Variants in TET3 observed in about 807,000 individuals in gnomAD.
TET3 encodes the protein tet methylcytosine dioxygenase 3.
A neutral mutation model predicts 141.4 loss-of-function variants in TET3; 19 were observed. The ratio of observed to expected loss-of-function variants is 0.13; its 90% CI spans 0.09 to 0.20. TET3 has a LOEUF of 0.20. TET3 is among the 10% of genes least tolerant of loss of function. The probability of loss-of-function intolerance (pLI) is 1.00; values close to 1 mark genes in which losing one functional copy is unlikely to be tolerated. For synonymous variants in TET3, 1,043 were observed against 980.9 expected (o/e 1.06, Z -1.18); for missense variants, 1,874 against 2,356.9 (o/e 0.80, Z 4.24).
At chr2:74,019,539 G>A (rs909373010) in intron 3 of TET3, among the ~76,000 whole-genome samples, 3 of 152,146 alleles carry the variant, frequency 2.0e-5, no homozygotes, top group African/African-American at 7.2e-5. Context: ...GTTCCCAGTG[G>A]TGGGGTGCTC....
At chr2:74,041,702 G>GA (rs946265942) in intron 3 of TET3, among the ~76,000 whole-genome samples, 9 of 152,144 alleles carry the variant, frequency 5.9e-5, no homozygotes, top group Admixed American at 2.0e-4. Flanking sequence ...GAAAATTTTT[G>GA]AAAAAAACTG....
chr2:74,086,644 G>A (rs1225790434), intron 6 of TET3, among the ~76,000 whole-genome samples: 1 of 151,866 alleles, frequency 6.6e-6, no homozygotes, highest in East Asian at 1.9e-4. Context: ...TAAAAAGTTA[G>A]CCAGGCATGG....
At chr2:74,021,627 G>A (rs1299605036) in intron 3 of TET3, among the ~76,000 whole-genome samples, 1 of 152,158 alleles carries the variant, frequency 6.6e-6, no homozygotes, top group Non-Finnish European at 1.5e-5. Context: ...GTTCTCAAAA[G>A]GTCGTTCAGG....
intron 3 of TET3, among the ~76,000 whole-genome samples, chr2:74,014,662 G>A (rs1012774441): frequency 9.2e-5 from 14 of 152,144 alleles, no homozygotes; most frequent in Non-Finnish European, 1.8e-4. Context: ...ATTTAGAAAA[G>A]CCTCGTACAT....
At chr2:74,090,106 G>C in intron 8 of TET3, 59 bp downstream of exon 8, 2 of 1,596,076 alleles carry the variant, frequency 1.3e-6, no homozygotes, top group Non-Finnish European at 1.7e-6. Flanking sequence ...CGTCCTTCAT[G>C]GTCCAGCGGG....
intron 10 of TET3, among the ~76,000 whole-genome samples, chr2:74,098,272 A>G (rs572748514): frequency 6.6e-6 from 1 of 152,364 alleles, no homozygotes; most frequent in African/African-American, 2.4e-5. Context: ...AATTGGAAAC[A>G]AGTTGAAATA....
At chr2:74,029,070 A>T (rs1686531452) in intron 3 of TET3, among the ~76,000 whole-genome samples, 1 of 152,198 alleles carries the variant, frequency 6.6e-6, no homozygotes, top group South Asian at 2.1e-4. Flanking sequence ...TGGAACAGCA[A>T]ATACTAGTGT....
At chr2:74,010,893 A>G (rs987374208) in intron 3 of TET3, among the ~76,000 whole-genome samples, 1 of 152,216 alleles carries the variant, frequency 6.6e-6, no homozygotes, top group African/African-American at 2.4e-5. Context: ...CTTAAGCGGG[A>G]AACTATAGCA....
intron 8 of TET3, among the ~76,000 whole-genome samples, chr2:74,091,046 A>G (rs991064078): frequency 1.3e-5 from 2 of 152,196 alleles, no homozygotes; most frequent in Admixed American, 6.5e-5. Flanking sequence ...TCTGACTGCC[A>G]AGCTTGGGTC....
chr2:73,984,666 C>G (rs1201814253), upstream of TET3, among the ~76,000 whole-genome samples: 2 of 151,836 alleles, frequency 1.3e-5, no homozygotes, highest in East Asian at 1.9e-4. The surrounding 1 kb of genome is among the most constrained non-coding windows in gnomAD (Gnocchi z 5.6). Flanking sequence ...GCGGCCGCCT[C>G]CCGGGAGGGC....
At chr2:74,061,252 C>CA (rs1688525600) in intron 4 of TET3, among the ~76,000 whole-genome samples, 2 of 141,776 alleles carry the variant, frequency 1.4e-5, no homozygotes, top group South Asian at 4.6e-4. Context: ...GCTGACCCCC[C>CA]CACTTCCCTC....
chr2:74,109,811 A>G (rs923205540), downstream of TET3, among the ~76,000 whole-genome samples: 3 of 152,184 alleles, frequency 2.0e-5, no homozygotes, highest in African/African-American at 7.2e-5. Flanking sequence ...CGGCTCATGC[A>G]AGCCAAGCAC....
rs188755514 is a variant in TET3, at chr2:74,105,381, T to A, written c.*3205T>A. 2.8e-5 allele frequency: 11 copies of A among 398,608 alleles called. No individual in the cohort carries two copies. The highest frequency in any genetic ancestry group is 2.1e-4 in the African/African-American group (10 of 48,734). The allele number at this position is 398,608 out of a possible 1,614,324, so 24.7% of individuals were successfully genotyped here. A position where few individuals can be genotyped will look rare whatever the true frequency, so the allele number is the denominator to read the frequency against. The stretch of plus-strand genomic sequence containing the variant: ...CTTGTAAAGTTCTGTGCTACGAGAT[T>A]TTTAAAATAAAAATCGCTTCGCAGC... On this transcript the variant is annotated 3_prime_UTR_variant, in exon 12 of 12. Coordinates refer to ENST00000409262, the MANE Select transcript of TET3 (RefSeq NM_001287491.2).
At position 74,088,146 on chromosome 2, in the gene TET3, G is replaced by A. The variant is rs577423334; in HGVS notation, c.2888+108G>A. ...GAAGGCTCCTAGGGGCCCTCTCTGCGGCACTGTTTGTCCTGCACAGTTAGG... is the reference window on the plus strand; with the variant it reads ...GAAGGCTCCTAGGGGCCCTCTCTGCAGCACTGTTTGTCCTGCACAGTTAGG... On this transcript the variant is annotated intron_variant, in intron 7 of 11. Coordinates refer to ENST00000409262, the MANE Select transcript of TET3 (RefSeq NM_001287491.2). The A allele has an allele frequency of 4.5e-5, 51 of 1,131,670 alleles. No homozygotes were observed. The East Asian group carries it at 7.7e-4, about 17-fold the overall frequency. The allele number at this position is 1,131,670 out of a possible 1,614,324, so 70.1% of individuals were successfully genotyped here.
intron 3 of TET3, among the ~76,000 whole-genome samples, chr2:74,022,098 T>C (rs1164372274): frequency 2.0e-5 from 3 of 149,186 alleles, no homozygotes; most frequent in African/African-American, 4.9e-5. Context: ...AGGACACTTT[T>C]TTTTTTTTTT....
intron 4 of TET3, among the ~76,000 whole-genome samples, chr2:74,061,117 G>A (rs1370844782): frequency 4.7e-5 from 7 of 150,010 alleles, no homozygotes; most frequent in Middle Eastern, 6.9e-3. Flanking sequence ...CTCACCTACC[G>A]GACGGGGCGG....
In TET3 at chr2:74,100,936, C is replaced by A. The variant is rs749801005; in HGVS notation, c.4148C>A (p.Ser1383Tyr). The change falls in exon 12 of 12, where the codon TCC becomes TAC. Residue 1383 changes from serine (S) to tyrosine (Y), a missense_variant. Ser to Tyr is a moderately radical substitution (Grantham distance 144). Coordinates refer to ENST00000409262, the MANE Select transcript of TET3 (RefSeq NM_001287491.2). ...CTCCACTCAGTGTCCAGGGACCCCT[C>A]CCCCTTTGCCCAGAGCTCCAACTGC... is the stretch of plus-strand genomic sequence containing the variant. ...PLLHSVSRDPSPFAQSSNCYN... is the reference protein window; with the variant it reads ...PLLHSVSRDPYPFAQSSNCYN... 1 of 1,610,822 alleles carries A rather than the reference C, an allele frequency of 6.2e-7. No individual in the cohort carries two copies.
In TET3 at chr2:74,046,518, G is replaced by C. The variant is rs1687629119; in HGVS notation, c.601G>C (p.Val201Leu). ...TCGCCTGGAAGATGCCCACGATCTG[G>C]TGGCCTTTTCGGCTGTGGCCGAAGC... ...TARLEDAHDLVAFSAVAEAVS... is the reference protein window; with the variant it reads ...TARLEDAHDLLAFSAVAEAVS... Residue 201 changes from valine to leucine, a missense_variant, in exon 4 of 12, where the codon GTG becomes CTG. Val to Leu is a conservative substitution (Grantham distance 32). Around this residue, in one of 10 missense-constraint regions of TET3, gnomAD observed 366 missense variants for 487.0 expected, o/e 0.75. Coordinates refer to ENST00000409262, the MANE Select transcript of TET3 (RefSeq NM_001287491.2). The surrounding 1 kb of genome is among the most constrained non-coding windows in gnomAD (Gnocchi z 4.3). 6.2e-7 allele frequency: 1 copy of C among 1,613,932 alleles called. No homozygotes were observed. The highest frequency in any genetic ancestry group is 1.3e-5 in the African/African-American group (1 of 74,950).
chr2:74,024,965 T>G (rs1410973006), intron 3 of TET3, among the ~76,000 whole-genome samples: 5 of 152,042 alleles, frequency 3.3e-5, no homozygotes, highest in Non-Finnish European at 7.4e-5. Flanking sequence ...GGCTCACGCC[T>G]GTAATCCCAG....
Sources: allele counts gnomAD v4.1 joint callset (sites outside exome capture counted in the v4.1 genomes callset), GRCh38; gene constraint gnomAD v4.1.1; regional missense constraint gnomAD v4.1.1; non-coding constraint Gnocchi (gnomAD v3.1); transcripts MANE v1.5; gene names NCBI Gene and HGNC (gene_info 2026-07-23, HGNC 2026-07-21).